Variants in HSPA13 observed in about 807,000 individuals in gnomAD.
The protein encoded by HSPA13 is heat shock 70 kDa protein 13.
Under a neutral mutation model 38.8 loss-of-function variants are expected in HSPA13, and 29 were observed. The ratio of observed to expected loss-of-function variants is 0.75; its 90% CI spans 0.56 to 1.02. HSPA13 has a LOEUF of 1.02. Among genes scored for constraint, HSPA13 ranks in the 50% least tolerant of loss-of-function variants. The probability of loss-of-function intolerance (pLI) is 0.00; values close to 1 mark genes in which losing one functional copy is unlikely to be tolerated. For synonymous variants in HSPA13, 192 were observed against 205.3 expected (o/e 0.94, Z 0.56); for missense variants, 451 against 560.9 (o/e 0.80, Z 1.98).
At position 14,378,198 on chromosome 21, in the gene HSPA13, C is replaced by A. The variant is rs769819712; in HGVS notation, c.580+1G>T. Reference sequence around the variant, plus strand: ...TGCATCTCAGTCAAGGGTACTGTTACCTGCAAGGTTAGCAGCTTCAATTGT... The same window carrying A: ...TGCATCTCAGTCAAGGGTACTGTTAACTGCAAGGTTAGCAGCTTCAATTGT... On this transcript the variant is annotated splice_donor_variant, in intron 3 of 4. Transcript: ENST00000285667. LOFTEE classifies it high-confidence loss of function. 1.2e-6 allele frequency: 2 copies of A among 1,611,542 alleles called. No homozygotes were observed.
At chr21:14,376,223 C>G (rs1984021742) in intron 3 of HSPA13, among the ~76,000 whole-genome samples, 1 of 152,124 alleles carries the variant, frequency 6.6e-6, no homozygotes, top group Non-Finnish European at 1.5e-5. Context: ...ACCCTCCTGG[C>G]TAACACGGTG....
intron 3 of HSPA13, among the ~76,000 whole-genome samples, chr21:14,377,728 G>A (rs562904357): frequency 3.3e-5 from 5 of 152,288 alleles, no homozygotes; most frequent in African/African-American, 4.8e-5. Flanking sequence ...GAAGAATGTC[G>A]GAGGATTAGA....
chr21:14,381,149 C>A, intron 2 of HSPA13, 54 bp downstream of exon 2: 1 of 1,306,850 alleles, frequency 7.7e-7, no homozygotes, highest in Admixed American at 2.1e-5. Flanking sequence ...GAAGCCAAAG[C>A]ATTAACTAAA....
Position 14,373,590 on chromosome 21 carries a change from C to G in HSPA13, c.*27G>C. ...ATGGGAAGAGATCATCAGACAAGTT[C>G]ACAAATAACCATTATTTCTGCAGAA... On this transcript the variant is annotated 3_prime_UTR_variant, in exon 5 of 5. Transcript: ENST00000285667. The G allele has an allele frequency of 1.3e-6, 2 of 1,555,010 alleles. No homozygotes were observed. The highest frequency in any genetic ancestry group is 1.7e-6 in the Non-Finnish European group (2 of 1,143,332).
chr21:14,376,192 A>G (rs1318036368), intron 3 of HSPA13, among the ~76,000 whole-genome samples: 1 of 152,192 alleles, frequency 6.6e-6, no homozygotes, highest in Non-Finnish European at 1.5e-5. Flanking sequence ...TGGGCGGATC[A>G]CGAGGTCAGG....
intron 1 of HSPA13, among the ~76,000 whole-genome samples, chr21:14,382,233 C>T (rs1984187556): frequency 1.3e-5 from 2 of 152,056 alleles, no homozygotes; most frequent in Non-Finnish European, 2.9e-5. Context: ...CTGACGGCAA[C>T]ATCTATGAAA....
intron 3 of HSPA13, 151 bp downstream of exon 3, chr21:14,378,048 T>C: frequency 1.6e-6 from 1 of 624,036 alleles, no homozygotes; most frequent in Non-Finnish European, 2.8e-6. Context: ...CTATCAGTCC[T>C]GTCCCTCTAG....
At position 14,381,430 on chromosome 21, in the gene HSPA13, C is replaced by A. The variant is rs1568723831; in HGVS notation, c.139G>T (p.Val47Leu). The A allele has an allele frequency of 1.2e-6, 2 of 1,614,088 alleles. No homozygotes were observed. Among genetic ancestry groups the A allele is most frequent in the African/African-American group, 1.3e-5 (1 of 75,008 alleles). Residue 47 changes from valine (V) to leucine (L), a missense_variant, in exon 2 of 5, where the codon GTG becomes TTG. Physicochemically the swap from Val to Leu is conservative, Grantham distance 32. Transcript: ENST00000285667. ...ACTTTTCCTGTGCCAGGAAAAAACACCCCAACAGAACAATAGGTGGTGCCA... is the reference window on the plus strand; with the variant it reads ...ACTTTTCCTGTGCCAGGAAAAAACAACCCAACAGAACAATAGGTGGTGCCA... ...DLGTTYCSVGVFFPGTGKVKV... is the reference protein window; with the variant it reads ...DLGTTYCSVGLFFPGTGKVKV...
Position 14,383,129 on chromosome 21 carries a change from G to C in HSPA13, c.-10C>G. 1 of 1,613,926 alleles carries C rather than the reference G, an allele frequency of 6.2e-7. No homozygotes were observed. Among genetic ancestry groups the C allele is most frequent in the Non-Finnish European group, 8.5e-7 (1 of 1,179,968 alleles). On this transcript the variant is annotated 5_prime_UTR_variant, in exon 1 of 5. Transcript: ENST00000285667. ...TCATCTCTCTGGCCATCACAGTCCC[G>C]CCGAACAGGCTTGTGATGACTGTAC...
At position 14,374,073 on chromosome 21, in the gene HSPA13, T is replaced by G; in HGVS notation, c.960A>C (p.Glu320Asp). ...GCAGTTCAGTGTCACTACTGTGAGG[T>G]TCCTTCCTGTCCTGCTCCTCCACCG... Reference protein sequence around the residue: ...LLTVEEQDRKEPHSSDTELPK... With the variant: ...LLTVEEQDRKDPHSSDTELPK... The change falls in exon 5 of 5, where the codon GAA becomes GAC. Residue 320 changes from glutamate (E) to aspartate (D), a missense_variant. By Grantham distance (45) the Glu-to-Asp change is conservative (BLOSUM62 2). Transcript: ENST00000285667. 6.2e-7 allele frequency: 1 copy of G among 1,614,164 alleles called. No individual in the cohort carries two copies. The highest frequency in any genetic ancestry group is 8.5e-7 in the Non-Finnish European group (1 of 1,180,018).
At position 14,381,341 on chromosome 21, in the gene HSPA13, A is replaced by T. The variant is rs767369643; in HGVS notation, c.228T>A (p.Asn76Lys). 2.5e-6 allele frequency: 4 copies of T among 1,614,164 alleles called. No homozygotes were observed. Among genetic ancestry groups the T allele is most frequent in the Non-Finnish European group, 3.4e-6 (4 of 1,180,020 alleles). The change falls in exon 2 of 5, where the codon AAT becomes AAA. Residue 76 changes from asparagine to lysine, a missense_variant. Coordinates refer to ENST00000285667, the MANE Select transcript of HSPA13 (RefSeq NM_006948.5). ...SIPSMVSFTDNDVYVGYESVE... is the reference protein window; with the variant it reads ...SIPSMVSFTDKDVYVGYESVE... ...CGCTTTCATATCCCACATATACATC[A>T]TTGTCAGTAAAAGACACCATGCTGG...
At chr21:14,378,109 G>A (rs775104935) in intron 3 of HSPA13, 90 bp downstream of exon 3, 181 of 908,218 alleles carry the variant, frequency 2.0e-4, no homozygotes, top group Non-Finnish European at 2.9e-4. Context: ...CTATGGTTGT[G>A]TGGTTTGGGA....
chr21:14,373,734 G>A lies in HSPA13; in HGVS notation c.1299C>T (p.Asp433=). Residue 433 remains aspartate, a synonymous_variant, in exon 5 of 5, where the codon GAC becomes GAT. Coordinates refer to ENST00000285667, the MANE Select transcript of HSPA13 (RefSeq NM_006948.5). ...TAGCCACTCCCGTTACTACTGCTAG[G>A]TCAGGGTCTACAGATGTGTTGGGAT... ...GKDPNTSVDP[D]LAVVTGVAIQ... The A allele has an allele frequency of 6.2e-7, 1 of 1,614,200 alleles. No individual in the cohort carries two copies. Among genetic ancestry groups the A allele is most frequent in the Non-Finnish European group, 8.5e-7 (1 of 1,180,028 alleles).
intron 3 of HSPA13, 136 bp downstream of exon 3, chr21:14,378,063 C>T (rs1984072370): frequency 1.5e-6 from 1 of 648,920 alleles, no homozygotes; most frequent in Non-Finnish European, 2.7e-6. Flanking sequence ...CTCTAGAGAA[C>T]CCTAATACAC....
chr21:14,374,858 G>C (rs1251649952), intron 4 of HSPA13, among the ~76,000 whole-genome samples: 1 of 151,566 alleles, frequency 6.6e-6, no homozygotes, highest in Non-Finnish European at 1.5e-5. Context: ...ATTTTTTCTT[G>C]CCTGATTAGG....
Position 14,373,927 on chromosome 21 carries a change from A to C in HSPA13, c.1106T>G (p.Leu369Arg). 3.7e-6 allele frequency: 6 copies of C among 1,614,164 alleles called. No homozygotes were observed. The highest frequency in any genetic ancestry group is 4.2e-6 in the Non-Finnish European group (5 of 1,180,034). Residue 369 changes from leucine (L) to arginine (R), a missense_variant, in exon 5 of 5, where the codon CTC becomes CGC. Transcript: ENST00000285667. ...GAGGTCTTCATTAAGGGTATCAAAG[A>C]GTTTCCGTGATATTTCTGTTTCAAA... ...VLFETEISRK[L>R]FDTLNEDLFQ...
rs1176129267 is a variant in HSPA13 at position 14,373,969 on chromosome 21, C to T, written c.1064G>A (p.Gly355Glu). The T allele has an allele frequency of 1.2e-6, 2 of 1,614,062 alleles. No homozygotes were observed. Among genetic ancestry groups the T allele is most frequent in the African/African-American group, 1.3e-5 (1 of 74,926 alleles). The change falls in exon 5 of 5, where the codon GGA becomes GAA. Residue 355 changes from glycine (G) to glutamate (E), a missense_variant. By Grantham distance (98) the Gly-to-Glu change is moderately conservative. Transcript: ENST00000285667. ...FGRGLSDKKSGESQVLFETEI... is the reference protein window; with the variant it reads ...FGRGLSDKKSEESQVLFETEI... ...TGTTTCAAATAAAACCTGACTTTCTCCACTTTTCTTATCAGAAAGGCCACG... is the reference window on the plus strand; with the variant it reads ...TGTTTCAAATAAAACCTGACTTTCTTCACTTTTCTTATCAGAAAGGCCACG...
chr21:14,378,355 C>T lies in HSPA13; in HGVS notation c.424G>A (p.Val142Met). 6.2e-7 allele frequency: 1 copy of T among 1,614,162 alleles called. No homozygotes were observed. Residue 142 changes from valine (V) to methionine (M), a missense_variant, in exon 3 of 5, where the codon GTG (valine) becomes ATG (methionine). Physicochemically the swap from Val to Met is conservative, Grantham distance 21. Coordinates refer to ENST00000285667, the MANE Select transcript of HSPA13 (RefSeq NM_006948.5). ...FSVTSNETITVSPEYVGSRLL... is the reference protein window; with the variant it reads ...FSVTSNETITMSPEYVGSRLL... ...CGAGAGCCAACATATTCTGGGGACA[C>T]TGTGATGGTCTCATTACTTGTCACA... is the stretch of plus-strand genomic sequence containing the variant.
chr21:14,380,955 A>C (rs1984152392), intron 2 of HSPA13, among the ~76,000 whole-genome samples: 1 of 152,226 alleles, frequency 6.6e-6, no homozygotes, highest in Non-Finnish European at 1.5e-5. Flanking sequence ...ACCTTGAAAG[A>C]GCTAAGCAAG....
Sources: allele counts gnomAD v4.1 joint callset (sites outside exome capture counted in the v4.1 genomes callset), GRCh38; gene constraint gnomAD v4.1.1; transcripts MANE v1.5; gene names NCBI Gene and HGNC (gene_info 2026-07-23, HGNC 2026-07-21).